Variants in ARHGEF26 observed in about 807,000 individuals in gnomAD.
ARHGEF26 encodes Rho guanine nucleotide exchange factor 26, also known as Rho guanine nucleotide exchange factor (GEF) 26.
In ARHGEF26, 59 loss-of-function variants were observed where a neutral mutation model predicts 89.4. That is an observed-to-expected ratio of 0.66 (90% CI 0.54 to 0.82). The LOEUF is 0.82. ARHGEF26 is among the 40% of genes least tolerant of loss of function. The probability of loss-of-function intolerance (pLI) is 0.00; values close to 1 mark genes in which losing one functional copy is unlikely to be tolerated. For synonymous variants in ARHGEF26, 500 were observed against 428.4 expected, an observed-to-expected ratio of 1.17 and a Z score of -2.06; for missense variants, 1,234 against 1,085.6, an observed-to-expected ratio of 1.14 and a Z score of -1.92.
At chr3:154,237,970 CTT>C (rs1717224534) in intron 11 of ARHGEF26, among the ~76,000 whole-genome samples, 1 of 152,090 alleles carries the variant, frequency 6.6e-6, no homozygotes. Context: ...CTCTTTTTCT[CTT>C]GTTTTTGATG....
At chr3:154,183,977 C>CTT (rs548153454) in intron 6 of ARHGEF26, among the ~76,000 whole-genome samples, 1 of 140,316 alleles carries the variant, frequency 7.1e-6, no homozygotes, top group Admixed American at 7.2e-5. Context: ...AATTTTCTTT[C>CTT]TTTTTTTTTT....
At chr3:154,196,133 G>A (rs910386209) in intron 9 of ARHGEF26, among the ~76,000 whole-genome samples, 7 of 152,104 alleles carry the variant, frequency 4.6e-5, no homozygotes. Flanking sequence ...TGAGCTGAGT[G>A]TATTGAGAAA....
intron 12 of ARHGEF26, among the ~76,000 whole-genome samples, chr3:154,249,092 G>C (rs1008666299): frequency 6.6e-6 from 1 of 152,138 alleles, no homozygotes; most frequent in African/African-American, 2.4e-5. Flanking sequence ...ATGCCACTTT[G>C]GGAGGGATAA....
At chr3:154,157,836 T>C (rs1711499901) in intron 6 of ARHGEF26, among the ~76,000 whole-genome samples, 1 of 151,954 alleles carries the variant, frequency 6.6e-6, no homozygotes, top group Non-Finnish European at 1.5e-5. Flanking sequence ...GCCTGGAACA[T>C]GAGAGTAAGG....
intron 4 of ARHGEF26, among the ~76,000 whole-genome samples, chr3:154,134,244 G>T (rs1337876632): frequency 1.3e-5 from 2 of 151,808 alleles, no homozygotes; most frequent in East Asian, 3.9e-4. Context: ...CAGTACTATT[G>T]TATTAGTCCG....
At chr3:154,159,224 G>GTGTGC (rs1405228726) in intron 6 of ARHGEF26, among the ~76,000 whole-genome samples, 2 of 152,000 alleles carry the variant, frequency 1.3e-5, no homozygotes, top group Non-Finnish European at 2.9e-5. Flanking sequence ...CAATAACAGA[G>GTGTGC]TGTGCTGTTA....
chr3:154,204,577 G>A (rs958518494), intron 9 of ARHGEF26, among the ~76,000 whole-genome samples: 2 of 151,732 alleles, frequency 1.3e-5, no homozygotes, highest in African/African-American at 4.8e-5. Context: ...TGATCCCCCC[G>A]CCTCGGCCTA....
intron 9 of ARHGEF26, among the ~76,000 whole-genome samples, chr3:154,201,854 TG>T (rs1171194270): frequency 6.6e-6 from 1 of 152,138 alleles, no homozygotes; most frequent in African/African-American, 2.4e-5. Context: ...TGGGGTTGTT[TG>T]TTTTTTTCTT....
chr3:154,140,216 A>G (rs995014008), intron 4 of ARHGEF26, among the ~76,000 whole-genome samples: 1 of 152,218 alleles, frequency 6.6e-6, no homozygotes, highest in African/African-American at 2.4e-5. Context: ...TATTTGCAGG[A>G]GACTTATTGT....
chr3:154,165,363 C>CAG (rs534741401), intron 6 of ARHGEF26, among the ~76,000 whole-genome samples: 10 of 152,108 alleles, frequency 6.6e-5, no homozygotes, highest in South Asian at 2.1e-4. Flanking sequence ...ATTAATATTT[C>CAG]AGAGAGAGAG....
chr3:154,202,245 CATTT>C (rs1714691031), intron 9 of ARHGEF26, among the ~76,000 whole-genome samples: 1 of 152,128 alleles, frequency 6.6e-6, no homozygotes, highest in South Asian at 2.1e-4. Context: ...TTCCCAGCAC[CATTT>C]ATTAAATAGG....
chr3:154,232,411 G>A (rs1716879867), intron 11 of ARHGEF26, among the ~76,000 whole-genome samples: 1 of 152,192 alleles, frequency 6.6e-6, no homozygotes, highest in Non-Finnish European at 1.5e-5. Flanking sequence ...GAATTAGCTT[G>A]AGGAACTGAG....
chr3:154,128,848 C>T (rs1030923323), intron 3 of ARHGEF26, among the ~76,000 whole-genome samples: 5 of 152,218 alleles, frequency 3.3e-5, no homozygotes, highest in Non-Finnish European at 2.9e-5. Context: ...CTCCTCCCAG[C>T]GCTTTCTACC....
intron 1 of ARHGEF26, 26 bp from the exon 2 acceptor site, chr3:154,121,916 A>G: frequency 2.0e-6 from 3 of 1,504,874 alleles, no homozygotes; most frequent in Non-Finnish European, 2.7e-6. Context: ...CCAGAGGCAC[A>G]GTTTCCTAAC....
intron 7 of ARHGEF26, 31 bp downstream of exon 7, chr3:154,187,868 C>A (rs1294268648): frequency 6.4e-7 from 1 of 1,573,028 alleles, no homozygotes; most frequent in Admixed American, 1.8e-5. Context: ...CAGTTTTAAT[C>A]ATCTAACCTA....
At chr3:154,187,871 C>G in intron 7 of ARHGEF26, 34 bp downstream of exon 7, 1 of 1,569,450 alleles carries the variant, frequency 6.4e-7, no homozygotes, top group South Asian at 1.2e-5. Flanking sequence ...TTTTAATCAT[C>G]TAACCTAGTT....
At chr3:154,132,646 G>A (rs994046484) in intron 4 of ARHGEF26, among the ~76,000 whole-genome samples, 1 of 152,002 alleles carries the variant, frequency 6.6e-6, no homozygotes, top group Non-Finnish European at 1.5e-5. Context: ...GACCCCTCCT[G>A]GTAGTGAAGC....
chr3:154,130,961 A>G (rs1560041970), intron 4 of ARHGEF26, among the ~76,000 whole-genome samples: 1 of 152,040 alleles, frequency 6.6e-6, no homozygotes, highest in Non-Finnish European at 1.5e-5. Context: ...TTCAAGCTCT[A>G]CCTTCCCTCT....
At chr3:154,183,738 AAATTT>A (rs1713324251) in intron 6 of ARHGEF26, among the ~76,000 whole-genome samples, 1 of 152,196 alleles carries the variant, frequency 6.6e-6, no homozygotes, top group Non-Finnish European at 1.5e-5. Context: ...GCATAAACAG[AAATTT>A]AATTAGTACC....
Sources: allele counts gnomAD v4.1 joint callset (sites outside exome capture counted in the v4.1 genomes callset), GRCh38; gene constraint gnomAD v4.1.1; transcripts MANE v1.5; gene names NCBI Gene and HGNC (gene_info 2026-07-23, HGNC 2026-07-21).